PPP1R7: variants seen among roughly 807,000 people sequenced by gnomAD.
PPP1R7 encodes protein phosphatase 1 regulatory subunit 22.
A neutral mutation model predicts 45.2 loss-of-function variants in PPP1R7; 18 were observed. The ratio of observed to expected loss-of-function variants is 0.40; its 90% CI spans 0.28 to 0.59. The LOEUF (loss-of-function observed/expected upper bound fraction) is 0.59, where lower values mean the gene tolerates loss of function less well. Among genes scored for constraint, PPP1R7 ranks in the 20% least tolerant of loss-of-function variants. The pLI, the probability that PPP1R7 is intolerant of heterozygous loss-of-function variation, is 0.46. For synonymous variants in PPP1R7, 181 were observed against 183.4 expected, an observed-to-expected ratio of 0.99 and a Z score of 0.11; for missense variants, 314 against 455.8, an observed-to-expected ratio of 0.69 and a Z score of 2.83.
At chr2:241,170,315 G>A (rs1002434107) in intron 9 of PPP1R7, among the ~76,000 whole-genome samples, 1 of 152,198 alleles carries the variant, frequency 6.6e-6, no homozygotes, top group African/African-American at 2.4e-5. Context: ...AATGTTGGAT[G>A]GGTTTCTGCA....
chr2:241,165,628 C>G (rs2067687617), intron 7 of PPP1R7, among the ~76,000 whole-genome samples: 1 of 151,982 alleles, frequency 6.6e-6, no homozygotes, highest in Non-Finnish European at 1.5e-5. Flanking sequence ...GAGTCTCGCT[C>G]TGTCACCCAG....
At chr2:241,174,831 C>A (rs534340188) in intron 9 of PPP1R7, among the ~76,000 whole-genome samples, 3 of 152,036 alleles carry the variant, frequency 2.0e-5, no homozygotes, top group East Asian at 1.9e-4. Context: ...CCCGCCACCA[C>A]GCCTGGCTAA....
intron 8 of PPP1R7, among the ~76,000 whole-genome samples, chr2:241,168,576 C>T (rs1002620451): frequency 2.6e-5 from 4 of 152,180 alleles, no homozygotes; most frequent in African/African-American, 9.7e-5. Context: ...TGAGCTCCCT[C>T]GCACACTGTT....
chr2:241,174,678 CT>C (rs60135098), intron 9 of PPP1R7, among the ~76,000 whole-genome samples: 405 of 144,534 alleles, frequency 2.8e-3, no homozygotes, highest in Admixed American at 3.8e-3. Flanking sequence ...ATTTTATCCT[CT>C]TTTTTTTTTT....
intron 2 of PPP1R7, among the ~76,000 whole-genome samples, chr2:241,156,412 T>C (rs1042022861): frequency 6.6e-6 from 1 of 152,256 alleles, no homozygotes; most frequent in Non-Finnish European, 1.5e-5. Flanking sequence ...GGCTCGTGCC[T>C]ATAATCCTGG....
chr2:241,161,008 A>C (rs1167775693), intron 6 of PPP1R7, among the ~76,000 whole-genome samples: 3 of 142,126 alleles, frequency 2.1e-5, no homozygotes, highest in Non-Finnish European at 4.6e-5. Context: ...CTTGGAGTGA[A>C]TTGATGTACA....
At chr2:241,164,218 AC>A (rs1257937250) in intron 7 of PPP1R7, among the ~76,000 whole-genome samples, 3 of 151,796 alleles carry the variant, frequency 2.0e-5, no homozygotes. Flanking sequence ...GGCTTTTTCC[AC>A]CCACCCACCT....
intron 7 of PPP1R7, among the ~76,000 whole-genome samples, 199 bp downstream of exon 7, chr2:241,163,600 A>G (rs902694857): frequency 1.3e-5 from 2 of 151,976 alleles, no homozygotes; most frequent in Non-Finnish European, 2.9e-5. Context: ...TTTATTTTTT[A>G]TTTATTTTTT....
At position 241,163,363 on chromosome 2, in the gene PPP1R7, C is replaced by G; in HGVS notation, c.676C>G (p.Leu226Val). Residue 226 changes from leucine (L) to valine (V), a missense_variant, in exon 7 of 10, where the codon CTG becomes GTG. Coordinates refer to ENST00000234038, the MANE Select transcript of PPP1R7 (RefSeq NM_002712.3). ...AAACAAAATTACTAAACTTCAGAAC[C>G]TGGATGCGCTCACCAACCTGACAGT... The part of the protein sequence containing the change: ...GKNKITKLQN[L>V]DALTNLTVLS... The G allele has an allele frequency of 3.7e-6, 6 of 1,613,902 alleles. No individual in the cohort carries two copies. Among genetic ancestry groups the G allele is most frequent in the Non-Finnish European group, 5.1e-6 (6 of 1,179,838 alleles).
upstream of PPP1R7, chr2:241,150,115 C>T (rs1272817233): frequency 7.1e-6 from 9 of 1,263,626 alleles, no homozygotes; most frequent in Middle Eastern, 3.0e-4. Flanking sequence ...CCCGCGGCCC[C>T]TCCACGCCTC....
chr2:241,161,642 T>C (rs1353480169), intron 6 of PPP1R7, among the ~76,000 whole-genome samples: 3 of 152,168 alleles, frequency 2.0e-5, no homozygotes, highest in African/African-American at 7.2e-5. Flanking sequence ...ATAAAAGAAT[T>C]TTGAAAAGTG....
rs369103593 is a variant in PPP1R7, at chr2:241,168,501, ATTACC to A, written c.820-1279_820-1275del. On this transcript the variant is annotated intron_variant, in intron 8 of 9. Coordinates refer to ENST00000234038, the MANE Select transcript of PPP1R7 (RefSeq NM_002712.3). ...CCACCGCCAGGCGGTGTGTCGTTGGATTACCCACAGTCGCGTCTTCTGCAACATTT... is the reference window on the plus strand; with the variant it reads ...CCACCGCCAGGCGGTGTGTCGTTGGACACAGTCGCGTCTTCTGCAACATTT... Among the ~76,000 whole-genome samples, 277 of 152,220 alleles carry A rather than the reference ATTACC, an allele frequency of 1.8e-3. 2 individuals are homozygous for A. The highest frequency in any genetic ancestry group is 5.7e-3 in the African/African-American group (235 of 41,522).
chr2:241,158,779 G>A (rs2067518656), intron 4 of PPP1R7: 1 of 533,974 alleles, frequency 1.9e-6, no homozygotes, highest in Non-Finnish European at 3.4e-6. Flanking sequence ...CAGGCAGCCA[G>A]TGACCTGTGA....
chr2:241,153,352 G>A (rs764798936), intron 1 of PPP1R7, 124 bp from the exon 2 acceptor site: 39 of 1,333,290 alleles, frequency 2.9e-5, no homozygotes, highest in Middle Eastern at 2.1e-4. Flanking sequence ...TCAGATGTTC[G>A]TTGAACTGGA....
upstream of PPP1R7, chr2:241,149,960 G>A (rs975720176): frequency 7.0e-7 from 1 of 1,425,500 alleles, no homozygotes; most frequent in African/African-American, 1.4e-5. Context: ...ATTTCGCATG[G>A]GTAAAATCCG....
chr2:241,155,889 A>G (rs2067446365), intron 2 of PPP1R7, among the ~76,000 whole-genome samples: 1 of 152,106 alleles, frequency 6.6e-6, no homozygotes, highest in Non-Finnish European at 1.5e-5. Context: ...TTTGTTATCT[A>G]TCTCTTGGTT....
chr2:241,173,916 A>ATTATTTTTTTTTTTTTTTTTTTTTTTT (rs2067862681), intron 9 of PPP1R7, among the ~76,000 whole-genome samples: 1 of 145,330 alleles, frequency 6.9e-6, no homozygotes. Flanking sequence ...ATTTGGCTTT[A>ATTATTTTTTTTTTTTTTTTTTTTTTTT]TTTTTTTTTT....
At chr2:241,166,285 C>T (rs2067707491) in intron 7 of PPP1R7, 52 bp from the exon 8 acceptor site, 3 of 1,448,168 alleles carry the variant, frequency 2.1e-6, no homozygotes, top group Middle Eastern at 3.5e-4. Context: ...AAAACCGTTT[C>T]ATTTCATACC....
At chr2:241,178,031 G>A (rs2067936729) in intron 9 of PPP1R7, among the ~76,000 whole-genome samples, 1 of 152,244 alleles carries the variant, frequency 6.6e-6, no homozygotes, top group African/African-American at 2.4e-5. Flanking sequence ...CCCTCTTGAT[G>A]GAATGCTTTC....
Sources: allele counts gnomAD v4.1 joint callset (sites outside exome capture counted in the v4.1 genomes callset), GRCh38; gene constraint gnomAD v4.1.1; transcripts MANE v1.5; gene names NCBI Gene and HGNC (gene_info 2026-07-23, HGNC 2026-07-21).